The following TNFSF11 variants were observed in gnomAD, a reference collection of about 807,000 sequenced individuals.
TNFSF11 encodes the protein TNF superfamily member 11, also known as tumor necrosis factor ligand superfamily member 11.
A neutral mutation model predicts 32.2 loss-of-function variants in TNFSF11; 12 were observed. The observed-to-expected ratio is 0.37, with a 90% confidence interval of 0.24 to 0.60. The LOEUF (loss-of-function observed/expected upper bound fraction) is 0.60. Ranked by LOEUF, TNFSF11 falls within the 20% of genes least tolerant of loss-of-function variation. The pLI is 0.66. For synonymous variants in TNFSF11, 172 were observed against 152.1 expected (o/e 1.13, Z -0.96); for missense variants, 345 against 398.0 (o/e 0.87, Z 1.13).
intron 1 of TNFSF11, among the ~76,000 whole-genome samples, chr13:42,564,585 C>T (rs966237792): frequency 6.6e-6 from 1 of 151,680 alleles, no homozygotes; most frequent in Non-Finnish European, 1.5e-5. Flanking sequence ...AAAAAAAATT[C>T]TTGTCTACTA....
intron 2 of TNFSF11, among the ~76,000 whole-genome samples, chr13:42,567,857 C>A (rs946616751): frequency 6.6e-6 from 1 of 152,222 alleles, no homozygotes; most frequent in African/African-American, 2.4e-5. Flanking sequence ...CACAGGGTTT[C>A]TTCTCCCTCT....
chr13:42,605,679 G>A (rs1869415845), intron 4 of TNFSF11, among the ~76,000 whole-genome samples: 2 of 152,210 alleles, frequency 1.3e-5, no homozygotes, highest in Admixed American at 1.3e-4. Flanking sequence ...ATTCTGGTCA[G>A]TCAGGAGAAG....
chr13:42,566,459 G>A (rs775107014), intron 1 of TNFSF11, among the ~76,000 whole-genome samples: 1 of 152,130 alleles, frequency 6.6e-6, no homozygotes, highest in Non-Finnish European at 1.5e-5. Flanking sequence ...AAACTCAGCA[G>A]CTTGTTTACA....
At chr13:42,565,979 A>G (rs1041181727) in intron 1 of TNFSF11, among the ~76,000 whole-genome samples, 2 of 152,184 alleles carry the variant, frequency 1.3e-5, no homozygotes, top group Admixed American at 6.5e-5. Context: ...CCATCTCAAT[A>G]ACACAGAGAG....
chr13:42,584,703 G>A (rs1873798088), intron 2 of TNFSF11, among the ~76,000 whole-genome samples: 1 of 152,164 alleles, frequency 6.6e-6, no homozygotes, highest in Non-Finnish European at 1.5e-5. Flanking sequence ...TTGGTGGTCA[G>A]GCAAGAATAA....
chr13:42,598,403 A>G (rs906847027), intron 2 of TNFSF11, among the ~76,000 whole-genome samples: 1 of 152,218 alleles, frequency 6.6e-6, no homozygotes, highest in Admixed American at 6.5e-5. Flanking sequence ...ATAAAGATAT[A>G]CACAATGTTT....
chr13:42,581,431 A>G (rs1415721647), intron 2 of TNFSF11, 138 bp downstream of exon 2: 6 of 934,916 alleles, frequency 6.4e-6, no homozygotes, highest in Non-Finnish European at 4.9e-6. Context: ...AATGCTTTAA[A>G]GAGATTAGCA....
At chr13:42,588,979 G>T (rs1221959057) in intron 2 of TNFSF11, among the ~76,000 whole-genome samples, 1 of 152,198 alleles carries the variant, frequency 6.6e-6, no homozygotes, top group Non-Finnish European at 1.5e-5. Context: ...CTTAGCTTCT[G>T]CATCACTAGG....
chr13:42,563,889 G>A (rs1351640219), intron 1 of TNFSF11, among the ~76,000 whole-genome samples: 1 of 152,110 alleles, frequency 6.6e-6, no homozygotes, highest in Non-Finnish European at 1.5e-5. Context: ...AGTTTGGAAA[G>A]TTCTCACCAT....
intron 4 of TNFSF11, among the ~76,000 whole-genome samples, chr13:42,602,034 G>A (rs1312955660): frequency 6.6e-6 from 1 of 152,156 alleles, no homozygotes; most frequent in Admixed American, 6.5e-5. Context: ...GTGGTCAGTT[G>A]GCTTGGCCAG....
chr13:42,587,404 G>A (rs1050016758), intron 2 of TNFSF11, among the ~76,000 whole-genome samples: 3 of 152,210 alleles, frequency 2.0e-5, no homozygotes, highest in Non-Finnish European at 4.4e-5. Context: ...GGGACAATGA[G>A]CAGTCTCTGA....
intron 2 of TNFSF11, among the ~76,000 whole-genome samples, chr13:42,588,165 G>A (rs1038108524): frequency 2.0e-5 from 3 of 152,156 alleles, no homozygotes; most frequent in Non-Finnish European, 2.9e-5. Context: ...CACATTTAGC[G>A]TTTATAAAAG....
intron 2 of TNFSF11, among the ~76,000 whole-genome samples, chr13:42,584,227 ACTGTGTGTCTCT>A (rs1873776690): frequency 6.6e-6 from 1 of 152,240 alleles, no homozygotes; most frequent in South Asian, 2.1e-4. Context: ...CAAGCGGCTT[ACTGTGTGTCTCT>A]CTGTGAGTGA....
intron 1 of TNFSF11, among the ~76,000 whole-genome samples, chr13:42,577,288 G>C (rs367755779): frequency 4.9e-4 from 74 of 152,178 alleles, no homozygotes; most frequent in African/African-American, 1.6e-3. Flanking sequence ...TTACGGTGAC[G>C]GTTAAAAAGT....
chr13:42,591,322 T>C (rs1868460036), intron 2 of TNFSF11, among the ~76,000 whole-genome samples: 1 of 152,144 alleles, frequency 6.6e-6, no homozygotes, highest in African/African-American at 2.4e-5. Context: ...GTGGGGTCTA[T>C]ACCCTACCTA....
chr13:42,599,303 C>CTCTATCTATCTATCTA (rs140280017), intron 2 of TNFSF11, among the ~76,000 whole-genome samples: 1 of 142,776 alleles, frequency 7.0e-6, no homozygotes, highest in Non-Finnish European at 1.5e-5. Flanking sequence ...ATGTTATTGC[C>CTCTATCTATCTATCTA]TCTATCTATC....
chr13:42,572,658 C>T (rs1159693914), upstream of TNFSF11, among the ~76,000 whole-genome samples: 2 of 152,180 alleles, frequency 1.3e-5, no homozygotes, highest in African/African-American at 4.8e-5. Flanking sequence ...TATATTGATA[C>T]ACATATAAAT....
intron 2 of TNFSF11, among the ~76,000 whole-genome samples, chr13:42,592,696 C>A (rs1332302527): frequency 6.6e-6 from 1 of 152,118 alleles, no homozygotes; most frequent in Non-Finnish European, 1.5e-5. Flanking sequence ...GTGTCTCCAC[C>A]CAAATCTTAC....
intron 1 of TNFSF11, among the ~76,000 whole-genome samples, chr13:42,579,704 C>CTTTTTTTTTTTTTTTTTTTTT (rs59375842): frequency 6.1e-5 from 4 of 65,492 alleles, no homozygotes; most frequent in Admixed American, 2.3e-4. Flanking sequence ...TAAGTAAGCC[C>CTTTTTTTTTTTTTTTTTTTTT]TTTTTTTTTT....
Sources: gnomAD v4.1 joint callset for allele counts (sites outside exome capture counted in the v4.1 genomes callset) on GRCh38, gnomAD v4.1.1 for gene constraint, MANE v1.5 for transcripts, NCBI Gene and HGNC (gene_info 2026-07-23, HGNC 2026-07-21) for gene names.